Variants in FBXL17 observed in about 807,000 individuals in gnomAD.
FBXL17 encodes F-box/LRR-repeat protein 17.
FBXL17 carries 22 observed loss-of-function variants against 66.2 expected under a neutral mutation model. The observed-to-expected ratio is 0.33, with a 90% CI of 0.24 to 0.47. The LOEUF (loss-of-function observed/expected upper bound fraction) is 0.47, where lower values mean the gene tolerates loss of function less well. FBXL17 is among the 20% of genes least tolerant of loss of function. FBXL17 has a pLI of 1.00. For synonymous variants in FBXL17, 474 were observed against 400.5 expected (o/e 1.18, Z -2.19); for missense variants, 878 against 948.2 (o/e 0.93, Z 0.97).
At chr5:107,880,962 GGAGA>G in intron 8 of FBXL17, 71 bp downstream of exon 8, 1 of 1,611,812 alleles carries the variant, frequency 6.2e-7, no homozygotes, top group Admixed American at 1.7e-5. Context: ...AGATAGAGAA[GGAGA>G]GAGGATATGA....
At chr5:108,330,415 T>C (rs1485100797) in intron 4 of FBXL17, among the ~76,000 whole-genome samples, 2 of 152,224 alleles carry the variant, frequency 1.3e-5, no homozygotes, top group Non-Finnish European at 2.9e-5. Context: ...AGGTCCTTCA[T>C]ATGTTTAAAA....
chr5:108,135,152 T>TA (rs35955097), intron 6 of FBXL17, among the ~76,000 whole-genome samples: 1,672 of 152,234 alleles, frequency 0.011, 40 homozygotes, highest in African/African-American at 0.038. Flanking sequence ...GATATCATCT[T>TA]ACTGCTGTGC....
chr5:107,978,693 A>G (rs891841008), intron 7 of FBXL17, among the ~76,000 whole-genome samples: 1 of 152,164 alleles, frequency 6.6e-6, no homozygotes, highest in Non-Finnish European at 1.5e-5. Context: ...CAACCAATCA[A>G]CATTCCCCAT....
chr5:108,179,616 T>C (rs1405048904), intron 6 of FBXL17, among the ~76,000 whole-genome samples: 2 of 152,146 alleles, frequency 1.3e-5, no homozygotes, highest in Non-Finnish European at 2.9e-5. Context: ...CAACCCTCCT[T>C]ATAATTCAGG....
At chr5:108,254,398 T>C (rs1580696788) in intron 4 of FBXL17, among the ~76,000 whole-genome samples, 1 of 152,150 alleles carries the variant, frequency 6.6e-6, no homozygotes, top group Admixed American at 6.6e-5. Context: ...CTCTTCCCTG[T>C]CAATTCCCAA....
intron 6 of FBXL17, among the ~76,000 whole-genome samples, chr5:108,107,965 G>A (rs1280415850): frequency 3.9e-5 from 6 of 151,910 alleles, no homozygotes; most frequent in Non-Finnish European, 7.4e-5. Context: ...CTGTTGGCTC[G>A]CACCCCAACC....
intron 6 of FBXL17, among the ~76,000 whole-genome samples, chr5:108,169,600 T>C (rs533175929): frequency 1.3e-5 from 2 of 152,300 alleles, no homozygotes; most frequent in East Asian, 3.9e-4. Flanking sequence ...ACGTTGTCAG[T>C]TAGGCTAAAA....
intron 1 of FBXL17, among the ~76,000 whole-genome samples, chr5:108,372,935 A>G (rs549915408): frequency 5.3e-5 from 8 of 152,170 alleles, no homozygotes; most frequent in Non-Finnish European, 1.0e-4. Flanking sequence ...GATTTAAAAG[A>G]CTACATAAAA....
chr5:108,317,661 T>C (rs1035738436), intron 4 of FBXL17, among the ~76,000 whole-genome samples: 2 of 151,342 alleles, frequency 1.3e-5, no homozygotes, highest in Admixed American at 6.6e-5. Flanking sequence ...ATTTCAAACA[T>C]CTTAATATGC....
chr5:107,916,881 C>T (rs1261375979), intron 7 of FBXL17, among the ~76,000 whole-genome samples: 2 of 152,146 alleles, frequency 1.3e-5, no homozygotes, highest in African/African-American at 2.4e-5. Flanking sequence ...ATTAAAAATA[C>T]TCAGAAGTAG....
chr5:108,015,532 T>C (rs1316605565), intron 7 of FBXL17, among the ~76,000 whole-genome samples: 1 of 152,094 alleles, frequency 6.6e-6, no homozygotes, highest in Non-Finnish European at 1.5e-5. Flanking sequence ...AAATGGGAGA[T>C]CATTACATGT....
At chr5:107,953,932 T>G (rs1751580946) in intron 7 of FBXL17, among the ~76,000 whole-genome samples, 1 of 152,246 alleles carries the variant, frequency 6.6e-6, no homozygotes, top group South Asian at 2.1e-4. Context: ...TTTTGATACT[T>G]AATCATATAT....
intron 7 of FBXL17, among the ~76,000 whole-genome samples, chr5:107,903,734 G>GA (rs11418063): frequency 0.54 from 81,889 of 151,936 alleles, 23,384 homozygotes; most frequent in African/African-American, 0.72. Context: ...TGCTTAGGGA[G>GA]AAATAATAAT....
At chr5:107,885,942 C>T (rs935740900) in intron 7 of FBXL17, among the ~76,000 whole-genome samples, 1 of 110,972 alleles carries the variant, frequency 9.0e-6, no homozygotes, top group Admixed American at 8.0e-5. Context: ...TTACACACTT[C>T]CCAAAATAAA....
intron 6 of FBXL17, among the ~76,000 whole-genome samples, chr5:108,143,598 AT>A (rs778247515): frequency 1.6e-4 from 25 of 152,040 alleles, no homozygotes; most frequent in Non-Finnish European, 3.1e-4. Context: ...GCATATGAAT[AT>A]TTAAGTATAT....
intron 6 of FBXL17, among the ~76,000 whole-genome samples, chr5:108,083,189 C>T (rs1748833992): frequency 2.0e-5 from 3 of 150,682 alleles, no homozygotes; most frequent in South Asian, 2.1e-4. Flanking sequence ...CAATCCATCT[C>T]CATGGCTTCT....
At position 108,254,827 on chromosome 5, in the gene FBXL17, G is replaced by A. The variant is rs867271358; in HGVS notation, c.1507-30599C>T. Among the ~76,000 whole-genome samples, 6 of 152,262 alleles carry A rather than the reference G, an allele frequency of 3.9e-5. No individual in the cohort carries two copies. The South Asian group carries it at 1.2e-3, about 32-fold the overall frequency. ...TAGAAGCACTGCATTAAGACCTTCA[G>A]AAAAATCATTGAGTGTCAATGTTTA... On this transcript the variant is annotated intron_variant, in intron 4 of 8. Coordinates refer to ENST00000542267, the MANE Select transcript of FBXL17 (RefSeq NM_001163315.3).
intron 6 of FBXL17, among the ~76,000 whole-genome samples, chr5:108,171,740 G>C (rs1752611443): frequency 6.6e-6 from 1 of 152,182 alleles, no homozygotes; most frequent in Non-Finnish European, 1.5e-5. Context: ...GAATCTGAAG[G>C]CTTGACTAAG....
intron 7 of FBXL17, among the ~76,000 whole-genome samples, chr5:107,970,647 GATC>G (rs2112648313): frequency 6.6e-6 from 1 of 152,298 alleles, no homozygotes; most frequent in African/African-American, 2.4e-5. Context: ...AGTAGAGGCT[GATC>G]ATGGCCAAAG....
Sources: gnomAD v4.1 joint callset for allele counts (sites outside exome capture counted in the v4.1 genomes callset) on GRCh38, gnomAD v4.1.1 for gene constraint, MANE v1.5 for transcripts, NCBI Gene and HGNC (gene_info 2026-07-23, HGNC 2026-07-21) for gene names.